RIT2: variants seen among roughly 807,000 people sequenced by gnomAD.
RIT2 encodes the protein Ras like without CAAX 2, also known as GTP-binding protein Rit2.
In RIT2, 24 loss-of-function variants were observed where a neutral mutation model predicts 23.7. The observed-to-expected ratio is 1.01, with a 90% CI of 0.73 to 1.43. RIT2 has a LOEUF of 1.43. RIT2 is among the 40% of genes most tolerant of loss of function. RIT2 has a pLI of 0.00. For missense variants in RIT2, 236 were observed against 266.9 expected, an observed-to-expected ratio of 0.88 and a Z score of 0.81; for synonymous variants, 107 against 91.1, an observed-to-expected ratio of 1.17 and a Z score of -0.99.
intron 4 of RIT2, among the ~76,000 whole-genome samples, chr18:42,873,331 G>A (rs926719814): frequency 3.9e-5 from 6 of 152,026 alleles, no homozygotes; most frequent in Admixed American, 3.9e-4. Flanking sequence ...AACATTTAAA[G>A]TCTATACTTT....
chr18:43,067,101 A>G (rs1157096617), intron 1 of RIT2, among the ~76,000 whole-genome samples: 1 of 152,068 alleles, frequency 6.6e-6, no homozygotes, highest in Non-Finnish European at 1.5e-5. Flanking sequence ...CAAAGTAACG[A>G]TAACTTTCTG....
intron 2 of RIT2, among the ~76,000 whole-genome samples, chr18:43,003,152 C>T (rs1261285411): frequency 6.6e-6 from 1 of 151,882 alleles, no homozygotes; most frequent in Non-Finnish European, 1.5e-5. Flanking sequence ...AAACTCTGAC[C>T]TCCAGAACTG....
chr18:42,919,030 C>A (rs1030353598), intron 4 of RIT2, among the ~76,000 whole-genome samples: 1 of 152,102 alleles, frequency 6.6e-6, no homozygotes, highest in African/African-American at 2.4e-5. Flanking sequence ...GGGGGGCTTT[C>A]TCCCTACATC....
At chr18:43,036,383 T>TA (rs1911975885) in intron 1 of RIT2, among the ~76,000 whole-genome samples, 1 of 152,018 alleles carries the variant, frequency 6.6e-6, no homozygotes, top group Admixed American at 6.5e-5. Flanking sequence ...CTACTAAAAA[T>TA]ACGGAAATCA....
chr18:42,944,871 A>G (rs1909691254), intron 3 of RIT2, among the ~76,000 whole-genome samples: 1 of 152,044 alleles, frequency 6.6e-6, no homozygotes, highest in Admixed American at 6.6e-5. Flanking sequence ...AAAATATACA[A>G]TTTATAAGAG....
In RIT2 at chr18:43,096,550, T is replaced by C. The variant is rs553965568; in HGVS notation, c.103+18867A>G. Among the ~76,000 whole-genome samples the C allele has an allele frequency of 1.9e-4, 29 of 152,028 alleles. No homozygotes were observed. In the South Asian group the frequency reaches 6.0e-3, roughly 31 times the overall value. On this transcript the variant is annotated intron_variant, in intron 1 of 4. Coordinates refer to ENST00000326695, the MANE Select transcript of RIT2 (RefSeq NM_002930.4). ...TATATGGGAACAGATTATTAACATATTATGTTTTGGTGACTGCTAGAGAGA... is the reference window on the plus strand; with the variant it reads ...TATATGGGAACAGATTATTAACATACTATGTTTTGGTGACTGCTAGAGAGA...
chr18:42,878,088 A>G (rs904743890), intron 4 of RIT2, among the ~76,000 whole-genome samples: 6 of 150,910 alleles, frequency 4.0e-5, no homozygotes. Flanking sequence ...GCATATTCAT[A>G]TACATACACA....
At chr18:43,088,880 A>G (rs1423372578) in intron 1 of RIT2, among the ~76,000 whole-genome samples, 3 of 152,148 alleles carry the variant, frequency 2.0e-5, no homozygotes, top group Non-Finnish European at 4.4e-5. Flanking sequence ...GGTATGTAAA[A>G]GTGTTAATTA....
chr18:43,093,323 T>A (rs897915334), intron 1 of RIT2, among the ~76,000 whole-genome samples: 3 of 152,090 alleles, frequency 2.0e-5, no homozygotes, highest in African/African-American at 7.2e-5. Context: ...CCTCCCTCCC[T>A]ACTATCAATG....
intron 2 of RIT2, among the ~76,000 whole-genome samples, chr18:43,032,880 T>C (rs1001807156): frequency 6.6e-6 from 1 of 152,120 alleles, no homozygotes; most frequent in Non-Finnish European, 1.5e-5. Flanking sequence ...AGTAGGATCT[T>C]GAATTAAAAT....
intron 4 of RIT2, among the ~76,000 whole-genome samples, chr18:42,900,959 G>T (rs1908460494): frequency 6.6e-6 from 1 of 151,706 alleles, no homozygotes. Flanking sequence ...TTATATCACG[G>T]TTAAAATTTT....
intron 4 of RIT2, among the ~76,000 whole-genome samples, chr18:42,863,932 T>C (rs970301753): frequency 2.0e-5 from 3 of 152,000 alleles, no homozygotes; most frequent in African/African-American, 7.3e-5. Context: ...ACTAATTGCA[T>C]CAGGTACTGG....
At chr18:43,057,514 C>T (rs1261345576) in intron 1 of RIT2, among the ~76,000 whole-genome samples, 1 of 152,158 alleles carries the variant, frequency 6.6e-6, no homozygotes, top group Non-Finnish European at 1.5e-5. Flanking sequence ...TGTTTCAACA[C>T]ATTCCCAATA....
Position 43,066,491 on chromosome 18 carries a change from T to C in RIT2, c.104-32624A>G, listed in dbSNP as rs377145282. Among the ~76,000 whole-genome samples, 41 of 152,294 alleles carry C rather than the reference T, an allele frequency of 2.7e-4. No homozygotes were observed. In the South Asian group the frequency reaches 7.5e-3, roughly 28 times the overall value. On this transcript the variant is annotated intron_variant, in intron 1 of 4. Transcript: ENST00000326695. The stretch of plus-strand genomic sequence containing the variant: ...CATCTTAAGAGACAATTGGGAACAT[T>C]TGAAATAACATGTTCATTAAACTAG...
At chr18:42,912,497 C>A (rs996199390) in intron 4 of RIT2, among the ~76,000 whole-genome samples, 2 of 151,810 alleles carry the variant, frequency 1.3e-5, no homozygotes, top group African/African-American at 2.4e-5. Flanking sequence ...ATTTACAAAT[C>A]ACAAGCTTGT....
rs188358396 is a variant in RIT2 at position 43,066,210 on chromosome 18, C to T, written c.104-32343G>A. Among the ~76,000 whole-genome samples the T allele has an allele frequency of 3.2e-4, 48 of 152,266 alleles. No homozygotes were observed. The East Asian group carries it at 3.7e-3, about 12-fold the overall frequency. On this transcript the variant is annotated intron_variant, in intron 1 of 4. Coordinates refer to ENST00000326695, the MANE Select transcript of RIT2 (RefSeq NM_002930.4). Reference sequence around the variant, plus strand: ...CATCATTACAAAAAATGTAAGCACACACACTGAAACCAAGTGGTAAGTCTG... The same window carrying T: ...CATCATTACAAAAAATGTAAGCACATACACTGAAACCAAGTGGTAAGTCTG...
intron 1 of RIT2, among the ~76,000 whole-genome samples, chr18:43,107,563 C>T (rs901314539): frequency 5.3e-5 from 8 of 152,106 alleles, no homozygotes; most frequent in Non-Finnish European, 1.0e-4. Context: ...TACTCAGCAC[C>T]CTGTTTACTT....
At chr18:43,066,165 T>C (rs184408722) in intron 1 of RIT2, among the ~76,000 whole-genome samples, 7 of 152,200 alleles carry the variant, frequency 4.6e-5, no homozygotes, top group African/African-American at 1.7e-4. Context: ...ATCTATTTAA[T>C]TAAACATTTG....
At chr18:42,929,034 G>GAGATAT (rs1555647353) in intron 3 of RIT2, among the ~76,000 whole-genome samples, 21 of 96,958 alleles carry the variant, frequency 2.2e-4, no homozygotes, top group Non-Finnish European at 3.1e-4. Flanking sequence ...AAAATATGGA[G>GAGATAT]ATATATATAT....
Sources: allele counts gnomAD v4.1 joint callset (sites outside exome capture counted in the v4.1 genomes callset), GRCh38; gene constraint gnomAD v4.1.1; transcripts MANE v1.5; gene names NCBI Gene and HGNC (gene_info 2026-07-23, HGNC 2026-07-21).